Variants in AGBL4 observed in about 807,000 individuals in gnomAD.
The protein encoded by AGBL4 is cytosolic carboxypeptidase 6.
In AGBL4, 58 loss-of-function variants were observed where a neutral mutation model predicts 66.4. That is an observed-to-expected ratio of 0.87 (90% confidence interval 0.71 to 1.09). The LOEUF (loss-of-function observed/expected upper bound fraction) is 1.09, where lower values mean the gene tolerates loss of function less well. Ranked by LOEUF, AGBL4 falls within the 50% of genes least tolerant of loss-of-function variation. The pLI, the probability that AGBL4 is intolerant of heterozygous loss-of-function variation, is 0.00. For synonymous variants in AGBL4, 234 were observed against 222.9 expected (o/e 1.05, Z -0.44); for missense variants, 579 against 631.0 (o/e 0.92, Z 0.88).
intron 6 of AGBL4, among the ~76,000 whole-genome samples, chr1:48,772,353 A>C (rs1429385945): frequency 1.3e-5 from 2 of 152,216 alleles, no homozygotes; most frequent in Non-Finnish European, 1.5e-5. Context: ...CCTTTATCAC[A>C]GGTGGAGGGG....
intron 8 of AGBL4, among the ~76,000 whole-genome samples, chr1:48,638,065 T>A (rs1305605694): frequency 1.3e-5 from 2 of 152,242 alleles, no homozygotes; most frequent in African/African-American, 4.8e-5. Flanking sequence ...CAAATAGGAA[T>A]GTCCTCAGCA....
At chr1:48,691,592 T>G (rs1646633644) in intron 6 of AGBL4, among the ~76,000 whole-genome samples, 1 of 152,200 alleles carries the variant, frequency 6.6e-6, no homozygotes, top group East Asian at 1.9e-4. Flanking sequence ...AAATTGGGGT[T>G]GGAGACCTCT....
chr1:48,878,986 T>C (rs1386467129), intron 5 of AGBL4, among the ~76,000 whole-genome samples: 3 of 152,086 alleles, frequency 2.0e-5, no homozygotes, highest in Non-Finnish European at 2.9e-5. Context: ...CTACAAAAAA[T>C]TGCCAGCTTG....
chr1:49,657,576 C>G lies in AGBL4; in HGVS notation c.282+39737G>C, dbSNP rs544195749. On this transcript the variant is annotated intron_variant, in intron 3 of 13. Transcript: ENST00000371839. ...ACAATCCTAAACCAAAAGAACAAAG[C>G]TGGAAGCATCATGCTACCTGACTTC... 9.8e-5 allele frequency among the ~76,000 whole-genome samples: 15 copies of G among 152,314 alleles called. No individual in the cohort carries two copies. The South Asian group carries it at 2.9e-3, about 29-fold the overall frequency.
At chr1:48,880,109 T>C (rs968913322) in intron 5 of AGBL4, among the ~76,000 whole-genome samples, 1 of 152,148 alleles carries the variant, frequency 6.6e-6, no homozygotes, top group African/African-American at 2.4e-5. Flanking sequence ...TTTTATCCCT[T>C]ATCCCCTTCC....
At chr1:48,532,477 A>C (rs1643911638), downstream of AGBL4, among the ~76,000 whole-genome samples, 1 of 152,150 alleles carries the variant, frequency 6.6e-6, no homozygotes. Context: ...CCAATTAATC[A>C]ATGTAGTTTT....
intron 4 of AGBL4, among the ~76,000 whole-genome samples, chr1:49,141,994 G>A (rs775064748): frequency 1.3e-5 from 2 of 152,122 alleles, no homozygotes; most frequent in African/African-American, 4.8e-5. Context: ...ACAGCACGAG[G>A]TGGTGGGGGG....
intron 4 of AGBL4, among the ~76,000 whole-genome samples, chr1:49,156,114 T>C (rs1646424902): frequency 1.3e-5 from 2 of 152,198 alleles, no homozygotes; most frequent in African/African-American, 4.8e-5. Context: ...TATCAATCTT[T>C]TGACTTCAAC....
intron 3 of AGBL4, among the ~76,000 whole-genome samples, chr1:49,651,930 A>C (rs1646014955): frequency 6.6e-6 from 1 of 152,160 alleles, no homozygotes. Context: ...AATGAGTGCC[A>C]AGAGAAAGTT....
At chr1:49,651,561 C>G (rs2124449079) in intron 3 of AGBL4, among the ~76,000 whole-genome samples, 1 of 152,208 alleles carries the variant, frequency 6.6e-6, no homozygotes, top group South Asian at 2.1e-4. Flanking sequence ...CAACAAGCAG[C>G]ATTTGAGAAA....
In AGBL4 at chr1:49,083,002, G is replaced by T. The variant is rs190570830; in HGVS notation, c.378-37202C>A. The stretch of plus-strand genomic sequence containing the variant: ...CAGTGAAATCTTAAAGCTCCAAAAA[G>T]ATTTCATTTGACCCCATGTCTCACA... On this transcript the variant is annotated intron_variant, in intron 4 of 13. Transcript: ENST00000371839. Among the ~76,000 whole-genome samples the T allele has an allele frequency of 2.0e-5, 3 of 152,318 alleles. No homozygotes were observed. In the East Asian group the frequency reaches 5.8e-4, roughly 29 times the overall value.
Position 49,294,531 on chromosome 1 carries a change from A to G in AGBL4, c.283-48667T>C, listed in dbSNP as rs373704849. On this transcript the variant is annotated intron_variant, in intron 3 of 13. Transcript: ENST00000371839. ...CTTCCCAAACTGATTCTCTCTGCCA[A>G]CTGTGGCATGCCTATGAGACCACCC... Among the ~76,000 whole-genome samples, 4 of 152,328 alleles carry G rather than the reference A, an allele frequency of 2.6e-5. 1 individual carries two copies. The highest frequency in any genetic ancestry group is 9.6e-5 in the African/African-American group (4 of 41,572).
chr1:49,295,029 C>T (rs527566173), intron 3 of AGBL4, among the ~76,000 whole-genome samples: 10 of 152,284 alleles, frequency 6.6e-5, no homozygotes, highest in Admixed American at 2.0e-4. Context: ...TGTATGAATG[C>T]GTAAGTGAAT....
intron 5 of AGBL4, among the ~76,000 whole-genome samples, chr1:49,034,796 C>A (rs1664507946): frequency 6.6e-6 from 1 of 151,996 alleles, no homozygotes; most frequent in Non-Finnish European, 1.5e-5. Flanking sequence ...TTCCTGAGGC[C>A]TACCAGTCAT....
intron 6 of AGBL4, among the ~76,000 whole-genome samples, chr1:48,820,067 A>G (rs1043759622): frequency 1.3e-5 from 2 of 152,222 alleles, no homozygotes; most frequent in African/African-American, 4.8e-5. Flanking sequence ...CTAAGTAAGC[A>G]CAATTATTAT....
chr1:49,377,171 C>T (rs1175171183), intron 3 of AGBL4, among the ~76,000 whole-genome samples: 1 of 152,012 alleles, frequency 6.6e-6, no homozygotes, highest in Non-Finnish European at 1.5e-5. Flanking sequence ...TACTTTCCCC[C>T]ATCTTGAAGG....
intron 3 of AGBL4, among the ~76,000 whole-genome samples, chr1:49,359,956 T>A (rs982760810): frequency 1.7e-4 from 26 of 152,148 alleles, no homozygotes; most frequent in African/African-American, 6.0e-4. Context: ...ACCCTTGATA[T>A]GATGATGGCT....
intron 11 of AGBL4, among the ~76,000 whole-genome samples, chr1:48,553,181 G>A (rs544204539): frequency 2.0e-5 from 3 of 152,134 alleles, no homozygotes; most frequent in Non-Finnish European, 2.9e-5. Context: ...ACAGTTGACC[G>A]TGGCTCTGAA....
At chr1:49,604,812 T>C (rs1645034072) in intron 3 of AGBL4, among the ~76,000 whole-genome samples, 1 of 152,110 alleles carries the variant, frequency 6.6e-6, no homozygotes, top group Non-Finnish European at 1.5e-5. Context: ...AAAAAGGGAA[T>C]TTCTCATCTC....
Sources: allele counts gnomAD v4.1 joint callset (sites outside exome capture counted in the v4.1 genomes callset), GRCh38; gene constraint gnomAD v4.1.1; transcripts MANE v1.5; gene names NCBI Gene and HGNC (gene_info 2026-07-23, HGNC 2026-07-21).